Variants in FOXN3 observed in about 807,000 individuals in gnomAD.
FOXN3 encodes forkhead box N3, also known as forkhead box protein N3.
Under a neutral mutation model 38.4 loss-of-function variants are expected in FOXN3, and 7 were observed. That is an observed-to-expected ratio of 0.18 (90% CI 0.10 to 0.34). FOXN3 has a LOEUF of 0.34. FOXN3 is among the 10% of genes least tolerant of loss of function. FOXN3 has a pLI of 1.00. For synonymous variants in FOXN3, 230 were observed against 242.2 expected (o/e 0.95, Z 0.47); for missense variants, 456 against 613.4 (o/e 0.74, Z 2.71).
At chr14:89,496,470 T>A (rs1893686330) in intron 1 of FOXN3, among the ~76,000 whole-genome samples, 1 of 151,914 alleles carries the variant, frequency 6.6e-6, no homozygotes, top group African/African-American at 2.4e-5. Context: ...CTGACACCAC[T>A]CCTCAGAGAG....
intron 3 of FOXN3, among the ~76,000 whole-genome samples, chr14:89,305,768 T>C: frequency 6.6e-6 from 1 of 152,250 alleles, no homozygotes; most frequent in East Asian, 1.9e-4. Context: ...AGAATGATTC[T>C]TATTAAACGG....
intron 2 of FOXN3, among the ~76,000 whole-genome samples, chr14:89,373,066 T>C (rs1297945523): frequency 6.6e-6 from 1 of 151,894 alleles, no homozygotes; most frequent in East Asian, 1.9e-4. Flanking sequence ...CTCAGGAGAC[T>C]GAAGTGGGAT....
At chr14:89,584,215 T>C (rs1895801071) in intron 1 of FOXN3, among the ~76,000 whole-genome samples, 1 of 151,650 alleles carries the variant, frequency 6.6e-6, no homozygotes, top group Non-Finnish European at 1.5e-5. Context: ...CTGGCCAACA[T>C]GGTGAAACCC....
intron 1 of FOXN3, among the ~76,000 whole-genome samples, chr14:89,470,572 G>T (rs956740780): frequency 6.6e-5 from 10 of 152,186 alleles, no homozygotes; most frequent in Admixed American, 3.3e-4. Context: ...GGAGATAACT[G>T]TTTTTCTCTC....
chr14:89,208,309 C>T (rs553044124), intron 4 of FOXN3, among the ~76,000 whole-genome samples: 4 of 152,188 alleles, frequency 2.6e-5, no homozygotes, highest in Non-Finnish European at 5.9e-5. Context: ...CGCGCTTATT[C>T]CCTGGGGAAC....
chr14:89,300,031 C>T (rs1339239034), intron 3 of FOXN3, among the ~76,000 whole-genome samples: 2 of 152,162 alleles, frequency 1.3e-5, no homozygotes, highest in Non-Finnish European at 2.9e-5. Context: ...CCAACAACTA[C>T]ACACTGCCCA....
At chr14:89,393,953 G>A (rs528749395) in intron 2 of FOXN3, among the ~76,000 whole-genome samples, 25 of 152,208 alleles carry the variant, frequency 1.6e-4, no homozygotes, top group Non-Finnish European at 2.9e-4. Context: ...TTGTTTTCTC[G>A]CAGTCTGGAA....
rs377567755 is a variant in FOXN3, at chr14:89,204,175, G to C, written c.746-23369C>G. 3.8e-4 allele frequency among the ~76,000 whole-genome samples: 58 copies of C among 152,022 alleles called. 2 individuals carry two copies. Among genetic ancestry groups the C allele is most frequent in the African/African-American group, 1.3e-3 (53 of 41,446 alleles). ...TAGAAACCCGAGCTTCAGGCACAAA[G>C]AGGAACCAAAGGACATGAAAGCACA... On this transcript the variant is annotated intron_variant, in intron 4 of 5. Transcript: ENST00000557258.
At position 89,221,345 on chromosome 14, in the gene FOXN3, G is replaced by A. The variant is rs184329348; in HGVS notation, c.746-40539C>T. Among the ~76,000 whole-genome samples the A allele has an allele frequency of 1.3e-3, 191 of 152,182 alleles. 5 individuals carry two copies. The South Asian group carries it at 0.035, about 28-fold the overall frequency. On this transcript the variant is annotated intron_variant, in intron 4 of 5. Coordinates refer to ENST00000557258, the MANE Select transcript of FOXN3 (RefSeq NM_005197.4). ...AGAGCACTATATCATGTATCACCAC[G>A]GCAGAAAAGGAAATGCCATACTGTA...
intron 4 of FOXN3, among the ~76,000 whole-genome samples, chr14:89,224,798 A>G (rs897753586): frequency 6.6e-6 from 1 of 152,290 alleles, no homozygotes; most frequent in Admixed American, 6.5e-5. Flanking sequence ...CAGGAGTTCA[A>G]GACTAGCCTG....
At chr14:89,563,777 G>A (rs1468086381) in intron 1 of FOXN3, among the ~76,000 whole-genome samples, 1 of 152,180 alleles carries the variant, frequency 6.6e-6, no homozygotes, top group African/African-American at 2.4e-5. Context: ...ACTGACAGCA[G>A]GAAATGGTGT....
chr14:89,400,731 G>A (rs185608623), intron 2 of FOXN3, among the ~76,000 whole-genome samples: 60 of 152,256 alleles, frequency 3.9e-4, no homozygotes, highest in African/African-American at 1.4e-3. Context: ...CAGGGCCTTT[G>A]CACTTGCTGT....
chr14:89,216,847 G>C (rs140403858), intron 4 of FOXN3, among the ~76,000 whole-genome samples: 1 of 152,086 alleles, frequency 6.6e-6, no homozygotes, highest in Non-Finnish European at 1.5e-5. Flanking sequence ...TCCCTGCTGC[G>C]TGTGGCTGTC....
intron 1 of FOXN3, among the ~76,000 whole-genome samples, chr14:89,426,618 A>T (rs772426291): frequency 2.6e-5 from 4 of 152,212 alleles, no homozygotes; most frequent in Admixed American, 1.3e-4. Context: ...TGCATTTAAC[A>T]AACACCGAAA....
upstream of FOXN3, chr14:89,419,507 A>C (rs563339244): frequency 1.5e-4 from 36 of 237,760 alleles, no homozygotes; most frequent in Non-Finnish European, 2.8e-4. Context: ...ACACTGTTTT[A>C]CAAACACATT....
rs1352487288 is a variant in FOXN3 at position 89,158,409 on chromosome 14, C to T, written c.*4005G>A. ...AATGCCTCTGCAAAACAAAAGAAAA[C>T]TCTGTTCTTGGGAATCGGCCTCTGG... On this transcript the variant is annotated 3_prime_UTR_variant, in exon 6 of 6. Coordinates refer to ENST00000557258, the MANE Select transcript of FOXN3 (RefSeq NM_005197.4). 1 of 152,544 alleles carries T rather than the reference C, an allele frequency of 6.6e-6. No homozygotes were observed. The highest frequency in any genetic ancestry group is 1.5e-5 in the Non-Finnish European group (1 of 68,042). The allele number at this position is 152,544 out of a possible 1,614,324, so 9.4% of individuals were successfully genotyped here. A position where few individuals can be genotyped will look rare whatever the true frequency, so the allele number is the denominator to read the frequency against.
At chr14:89,442,975 T>C (rs1404757011) in intron 1 of FOXN3, among the ~76,000 whole-genome samples, 4 of 152,210 alleles carry the variant, frequency 2.6e-5, no homozygotes, top group African/African-American at 9.6e-5. Context: ...CAGAAAAGGT[T>C]TGCCAACACC....
chr14:89,561,873 C>G (rs918935776), intron 1 of FOXN3, among the ~76,000 whole-genome samples: 7 of 152,288 alleles, frequency 4.6e-5, no homozygotes, highest in African/African-American at 1.7e-4. Context: ...TGCCACATCA[C>G]TAAGTCTTGA....
chr14:89,362,562 CACCACCACCACCACCATCTCTACG>C lies in FOXN3; in HGVS notation c.544-11778_544-11755del. On this transcript the variant is annotated intron_variant, in intron 2 of 5. Coordinates refer to ENST00000557258, the MANE Select transcript of FOXN3 (RefSeq NM_005197.4). Reference sequence around the variant, plus strand: ...CCACCATCTCCACCACCACCTCCACCACCACCACCACCACCATCTCTACGACCACCACCACCACCACCATCTCTA... The same window carrying C: ...CCACCATCTCCACCACCACCTCCACCACCACCACCACCACCACCATCTCTA... Among the ~76,000 whole-genome samples the C allele has an allele frequency of 7.9e-4, 4 of 5,090 alleles. 2 individuals are homozygous for C. The allele number at this position is 5,090 out of a possible 152,430, so 3.3% of individuals were successfully genotyped here.
Sources: allele counts gnomAD v4.1 joint callset (sites outside exome capture counted in the v4.1 genomes callset), GRCh38; gene constraint gnomAD v4.1.1; transcripts MANE v1.5; gene names NCBI Gene and HGNC (gene_info 2026-07-23, HGNC 2026-07-21).